Variants in MALSU1 observed in about 807,000 individuals in gnomAD.
MALSU1 encodes mitochondrial assembly of ribosomal large subunit protein 1.
A neutral mutation model predicts 22.1 loss-of-function variants in MALSU1; 22 were observed. The observed-to-expected ratio is 1.00, with a 90% CI of 0.71 to 1.42. The LOEUF is 1.42. MALSU1 is among the 40% of genes most tolerant of loss of function. The probability of loss-of-function intolerance (pLI) is 0.00; values close to 1 mark genes in which losing one functional copy is unlikely to be tolerated. For missense variants in MALSU1, 379 were observed against 308.3 expected (o/e 1.23, Z -1.72); for synonymous variants, 153 against 118.5 (o/e 1.29, Z -1.89).
intron 3 of MALSU1, among the ~76,000 whole-genome samples, chr7:23,308,182 A>C (rs1053808830): frequency 1.3e-5 from 2 of 152,186 alleles, no homozygotes; most frequent in African/African-American, 4.8e-5. Context: ...TCCTGGAGGA[A>C]GATATATACT....
intron 2 of MALSU1, among the ~76,000 whole-genome samples, chr7:23,303,356 G>A (rs1783673658): frequency 1.3e-5 from 2 of 152,202 alleles, no homozygotes; most frequent in Non-Finnish European, 1.5e-5. Flanking sequence ...GCATGTGCCA[G>A]AATTTCCTTC....
chr7:23,309,849 AT>A lies in MALSU1; in HGVS notation c.*309del, dbSNP rs1783783702. 1 of 176,426 alleles carries A rather than the reference AT, an allele frequency of 5.7e-6. No homozygotes were observed. Among genetic ancestry groups the A allele is most frequent in the African/African-American group, 2.4e-5 (1 of 42,428 alleles). The allele number at this position is 176,426 out of a possible 1,614,324, so 10.9% of individuals were successfully genotyped here. ...CTCTGCTCAGATTTTTATTAATTTA[AT>A]TTAGCTTAAATGTAAATCTTAACCC... On this transcript the variant is annotated 3_prime_UTR_variant, in exon 4 of 4. Transcript: ENST00000466681.
In MALSU1 at chr7:23,311,452, C is replaced by A. The variant is rs992107170; in HGVS notation, c.*1909C>A. ...CCTGAAGCCATTTAAACCAGCCGTT[C>A]CAAAATCTCCTGCGACCACTTTGTT... On this transcript the variant is annotated 3_prime_UTR_variant, in exon 4 of 4. Coordinates refer to ENST00000466681, the MANE Select transcript of MALSU1 (RefSeq NM_138446.2). 7 of 152,570 alleles carry A rather than the reference C, an allele frequency of 4.6e-5. No individual in the cohort carries two copies. Among genetic ancestry groups the A allele is most frequent in the African/African-American group, 1.4e-4 (6 of 41,434 alleles). 9.5% of individuals were successfully genotyped at this position (152,570 alleles called of 1,614,324 possible).
chr7:23,301,608 G>C (rs1433663889), intron 2 of MALSU1, among the ~76,000 whole-genome samples: 1 of 152,190 alleles, frequency 6.6e-6, no homozygotes, highest in African/African-American at 2.4e-5. Context: ...AGTATAACCA[G>C]AGGGATTTCT....
At position 23,310,373 on chromosome 7, in the gene MALSU1, TAAGTA is replaced by T. The variant is rs777513204; in HGVS notation, c.*833_*837del. On this transcript the variant is annotated 3_prime_UTR_variant, in exon 4 of 4. Coordinates refer to ENST00000466681, the MANE Select transcript of MALSU1 (RefSeq NM_138446.2). ...CCAGATACTCCAAATTACAAATGCT[TAAGTA>T]AAAGTAAAATATGATTTGCCATACT... is the stretch of plus-strand genomic sequence containing the variant. 7.2e-5 allele frequency: 11 copies of T among 152,208 alleles called. No individual in the cohort carries two copies. The East Asian group carries it at 1.5e-3, about 21-fold the overall frequency. 9.4% of individuals were successfully genotyped at this position (152,208 alleles called of 1,614,324 possible).
rs575434880 is a variant in MALSU1, at chr7:23,302,325, A to G, written c.435+1308A>G. On this transcript the variant is annotated intron_variant, in intron 2 of 3. Transcript: ENST00000466681. Reference sequence around the variant, plus strand: ...CTCTAGCTGACTCTGGTACCATTCCACGGGGCCATGATACCTTTCTTAGTC... The same window carrying G: ...CTCTAGCTGACTCTGGTACCATTCCGCGGGGCCATGATACCTTTCTTAGTC... Among the ~76,000 whole-genome samples the G allele has an allele frequency of 2.4e-3, 372 of 152,340 alleles. 1 individual carries two copies. The highest frequency in any genetic ancestry group is 3.5e-3 in the Non-Finnish European group (237 of 68,030).
chr7:23,301,278 G>A (rs1220599869), intron 2 of MALSU1: 4 of 279,724 alleles, frequency 1.4e-5, no homozygotes, highest in Non-Finnish European at 2.6e-5. Context: ...TTTTCTAATT[G>A]AGATGGAGTT....
intron 1 of MALSU1, among the ~76,000 whole-genome samples, chr7:23,300,254 C>T (rs1012413033): frequency 6.6e-6 from 1 of 152,018 alleles, no homozygotes; most frequent in Non-Finnish European, 1.5e-5. Context: ...TTGTTAATAA[C>T]CCGGTGGTTT....
At chr7:23,306,640 G>A (rs1257386103) in intron 2 of MALSU1, among the ~76,000 whole-genome samples, 3 of 152,146 alleles carry the variant, frequency 2.0e-5, no homozygotes, top group Admixed American at 2.0e-4. Context: ...GCTTTATTGT[G>A]AAAGGGTATT....
intron 2 of MALSU1, chr7:23,301,257 A>ATT (rs376929054): frequency 7.9e-4 from 214 of 270,146 alleles, no homozygotes; most frequent in Middle Eastern, 2.2e-3. Flanking sequence ...CGCAAGGAAG[A>ATT]TTTTTTTTTT....
chr7:23,303,991 A>G (rs1783692085), intron 2 of MALSU1, among the ~76,000 whole-genome samples: 1 of 151,888 alleles, frequency 6.6e-6, no homozygotes, highest in South Asian at 2.1e-4. Context: ...CTGTAATCCC[A>G]GCTACTTGGG....
chr7:23,308,695 G>A (rs1783758289), intron 3 of MALSU1, among the ~76,000 whole-genome samples: 1 of 152,132 alleles, frequency 6.6e-6, no homozygotes, highest in African/African-American at 2.4e-5. Flanking sequence ...TTGTAAAACT[G>A]GAACTCAGAT....
intron 2 of MALSU1, 101 bp from the exon 3 acceptor site, chr7:23,307,767 G>A (rs1783740043): frequency 2.7e-6 from 2 of 741,248 alleles, no homozygotes; most frequent in African/African-American, 2.1e-5. Context: ...GAGTAAGAAA[G>A]ATTAAAAAAA....
Position 23,309,358 on chromosome 7 carries a change from A to C in MALSU1, c.520A>C (p.Ser174Arg). ...TATCTCTTATCTGTCCCTGACAGGCAGCATGGTGATTCATTTGATGCTTCC... is the reference window on the plus strand; with the variant it reads ...TATCTCTTATCTGTCCCTGACAGGCCGCATGGTGATTCATTTGATGCTTCC... The part of the protein sequence containing the change: ...TDDWLCVDFG[S>R]MVIHLMLPET... The change falls in exon 4 of 4, where the codon AGC becomes CGC. Residue 174 changes from serine (S) to arginine (R), a missense_variant and splice_region_variant. Transcript: ENST00000466681. The C allele has an allele frequency of 6.2e-7, 1 of 1,609,112 alleles. No individual in the cohort carries two copies. Among genetic ancestry groups the C allele is most frequent in the Admixed American group, 1.7e-5 (1 of 59,026 alleles).
At chr7:23,301,496 G>T (rs764972573) in intron 2 of MALSU1, among the ~76,000 whole-genome samples, 10 of 151,982 alleles carry the variant, frequency 6.6e-5, no homozygotes, top group Non-Finnish European at 1.3e-4. Flanking sequence ...TGACCTCAGG[G>T]GATCCGCCTG....
chr7:23,300,971 C>A lies in MALSU1; in HGVS notation c.389C>A (p.Thr130Asn), dbSNP rs769131110. 1.9e-6 allele frequency: 3 copies of A among 1,613,980 alleles called. No homozygotes were observed. Among genetic ancestry groups the A allele is most frequent in the Non-Finnish European group, 2.5e-6 (3 of 1,179,928 alleles). ...GATTACTTTGTGATTGTTAGTGGAA[C>A]TTCTACCCGACACTTACATGCCATG... Reference protein sequence around the residue: ...YTDYFVIVSGTSTRHLHAMAF... With the variant: ...YTDYFVIVSGNSTRHLHAMAF... The change falls in exon 2 of 4, where the codon ACT (threonine) becomes AAT (asparagine). Residue 130 changes from threonine (T) to asparagine (N), a missense_variant. Transcript: ENST00000466681.
chr7:23,309,312 A>T, intron 3 of MALSU1, 44 bp from the exon 4 acceptor site: 4 of 1,509,896 alleles, frequency 2.6e-6, no homozygotes, highest in Non-Finnish European at 3.6e-6. Flanking sequence ...GAATAAAAGC[A>T]AATGAACTAT....
rs1195055016 is a variant in MALSU1, at chr7:23,310,945, A to G, written c.*1402A>G. 6.6e-6 allele frequency: 1 copy of G among 152,190 alleles called. No homozygotes were observed. The highest frequency in any genetic ancestry group is 2.4e-5 in the African/African-American group (1 of 41,446). 9.4% of individuals were successfully genotyped at this position (152,190 alleles called of 1,614,324 possible). Reference sequence around the variant, plus strand: ...ATTGTACGTACTGGGCTTTGCTGTCAAGGAGTGAGCAAATGAGTTCGTTAT... The same window carrying G: ...ATTGTACGTACTGGGCTTTGCTGTCGAGGAGTGAGCAAATGAGTTCGTTAT... On this transcript the variant is annotated 3_prime_UTR_variant, in exon 4 of 4. Coordinates refer to ENST00000466681, the MANE Select transcript of MALSU1 (RefSeq NM_138446.2).
Position 23,309,753 on chromosome 7 carries a change from G to T in MALSU1, c.*210G>T. 1 of 339,712 alleles carries T rather than the reference G, an allele frequency of 2.9e-6. No homozygotes were observed. The highest frequency in any genetic ancestry group is 4.7e-5 in the East Asian group (1 of 21,328). The allele number at this position is 339,712 out of a possible 1,614,324, so 21.0% of individuals were successfully genotyped here. On this transcript the variant is annotated 3_prime_UTR_variant, in exon 4 of 4. Transcript: ENST00000466681. ...TCAGTACATTCTACCCAAAACTTAT[G>T]ACACGCTGCCTTTATCCTGGAAATG... is the stretch of plus-strand genomic sequence containing the variant.
Sources: allele counts gnomAD v4.1 joint callset (sites outside exome capture counted in the v4.1 genomes callset), GRCh38; gene constraint gnomAD v4.1.1; transcripts MANE v1.5; gene names NCBI Gene and HGNC (gene_info 2026-07-23, HGNC 2026-07-21).